CADM2: variants seen among roughly 807,000 people sequenced by gnomAD.
CADM2 encodes immunoglobulin superfamily member 4D.
A neutral mutation model predicts 49.8 loss-of-function variants in CADM2; 12 were observed. That is an observed-to-expected ratio of 0.24 (90% CI 0.15 to 0.39). The LOEUF is 0.39. Ranked by LOEUF, CADM2 falls within the 10% of genes least tolerant of loss-of-function variation. The probability of loss-of-function intolerance (pLI) is 1.00; values close to 1 mark genes in which losing one functional copy is unlikely to be tolerated. For synonymous variants in CADM2, 214 were observed against 175.4 expected (o/e 1.22, Z -1.74); for missense variants, 378 against 492.3 (o/e 0.77, Z 2.20).
At chr3:85,291,439 C>G (rs377348616) in intron 1 of CADM2, among the ~76,000 whole-genome samples, 1 of 149,552 alleles carries the variant, frequency 6.7e-6, no homozygotes, top group Non-Finnish European at 1.5e-5. Flanking sequence ...TACAGAGAAC[C>G]CCACAAAGAT....
rs1225250463 is a variant in CADM2, at chr3:84,959,500, C to G, written c.-108C>G. ...ACCGCAGCGGTGGGGACGGTGGGTC[C>G]GGCGGGCGCCGGGAGGAGGACACCA... On this transcript the variant is annotated 5_prime_UTR_variant, in exon 1 of 10. Transcript: ENST00000383699. 8.2e-6 allele frequency: 9 copies of G among 1,103,568 alleles called. No homozygotes were observed. The highest frequency in any genetic ancestry group is 1.2e-5 in the Non-Finnish European group (9 of 768,216). The allele number at this position is 1,103,568 out of a possible 1,614,324, so 68.4% of individuals were successfully genotyped here.
At chr3:85,834,116 C>A (rs892455315) in intron 3 of CADM2, among the ~76,000 whole-genome samples, 51 of 151,670 alleles carry the variant, frequency 3.4e-4, no homozygotes, top group Middle Eastern at 3.4e-3. Context: ...AAATAAAGTT[C>A]TTCTTATGAT....
intron 1 of CADM2, among the ~76,000 whole-genome samples, chr3:85,647,151 C>G (rs2064911940): frequency 6.6e-6 from 1 of 151,682 alleles, no homozygotes; most frequent in Admixed American, 6.6e-5. Flanking sequence ...AAACACTGCC[C>G]TTTACCAAGT....
chr3:85,394,936 T>C (rs1010068066), intron 1 of CADM2, among the ~76,000 whole-genome samples: 1 of 152,188 alleles, frequency 6.6e-6, no homozygotes, highest in Non-Finnish European at 1.5e-5. Flanking sequence ...TTTATTGATC[T>C]TCACAAAACT....
chr3:85,273,407 A>G (rs1235994776), intron 1 of CADM2, among the ~76,000 whole-genome samples: 1 of 151,322 alleles, frequency 6.6e-6, no homozygotes, highest in Non-Finnish European at 1.5e-5. Context: ...AAAAAGACTT[A>G]GAGGAATTGT....
At chr3:85,206,508 C>T (rs867052064) in intron 1 of CADM2, among the ~76,000 whole-genome samples, 5 of 151,868 alleles carry the variant, frequency 3.3e-5, no homozygotes, top group Admixed American at 6.6e-5. Flanking sequence ...GGGGTTTCAC[C>T]GTGTTAGCCA....
intron 2 of CADM2, among the ~76,000 whole-genome samples, chr3:85,794,856 C>A (rs2071530534): frequency 6.6e-6 from 1 of 152,054 alleles, no homozygotes; most frequent in African/African-American, 2.4e-5. Context: ...ACCCATCCTT[C>A]AGATGTTGAT....
chr3:85,821,565 T>C (rs1462514326), intron 3 of CADM2, among the ~76,000 whole-genome samples: 1 of 152,162 alleles, frequency 6.6e-6, no homozygotes, highest in African/African-American at 2.4e-5. Context: ...TTTGTTTTTG[T>C]TGCATACACA....
intron 1 of CADM2, among the ~76,000 whole-genome samples, chr3:85,606,561 A>G (rs2063544426): frequency 6.6e-6 from 1 of 152,150 alleles, no homozygotes. Context: ...CTACACTCCT[A>G]GAAGCAGGTT....
chr3:85,630,977 T>C (rs1225167100), intron 1 of CADM2, among the ~76,000 whole-genome samples: 2 of 152,018 alleles, frequency 1.3e-5, no homozygotes, highest in Non-Finnish European at 2.9e-5. Context: ...GCACTTTCTA[T>C]TTCTCTGGCT....
intron 1 of CADM2, among the ~76,000 whole-genome samples, chr3:84,961,031 G>A (rs900828566): frequency 1.3e-5 from 2 of 152,032 alleles, no homozygotes; most frequent in Non-Finnish European, 2.9e-5. Flanking sequence ...TTCTTTGCCT[G>A]CCTCTAATCC....
intron 7 of CADM2, among the ~76,000 whole-genome samples, chr3:85,956,804 G>C (rs1559765515): frequency 6.6e-6 from 1 of 151,496 alleles, no homozygotes; most frequent in East Asian, 2.0e-4. Context: ...TTTAAGATGA[G>C]ACAAAAAAGC....
At position 85,603,633 on chromosome 3, in the gene CADM2, C is replaced by T. The variant is rs190780314; in HGVS notation, c.62-122889C>T. Among the ~76,000 whole-genome samples the T allele has an allele frequency of 8.6e-5, 13 of 151,982 alleles. No homozygotes were observed. In the East Asian group the frequency reaches 1.4e-3, roughly 16 times the overall value. ...ACTGGCTCAGCACCTGTCTCCCAGG[C>T]AGATCAATTTTAGTTTTATTAGTAC... is the stretch of plus-strand genomic sequence containing the variant. On this transcript the variant is annotated intron_variant, in intron 1 of 9. Transcript: ENST00000383699.
chr3:85,021,419 A>C (rs550666300), intron 1 of CADM2, among the ~76,000 whole-genome samples: 35 of 152,184 alleles, frequency 2.3e-4, no homozygotes, highest in African/African-American at 7.9e-4. Context: ...TTATCTAACA[A>C]GCCTGGCTTA....
rs375111612 is a variant in CADM2 at position 85,235,283 on chromosome 3, C to A, written c.61+275615C>A. ...CTATATTGCCTTTGATACTGCCTAA[C>A]CTTATTGAAGTTTGAGTAACATTTG... On this transcript the variant is annotated intron_variant, in intron 1 of 9. Coordinates refer to ENST00000383699, the MANE Select transcript of CADM2 (RefSeq NM_001167675.2). 2.1e-4 allele frequency among the ~76,000 whole-genome samples: 32 copies of A among 152,194 alleles called. 1 individual carries two copies. The highest frequency in any genetic ancestry group is 5.3e-4 in the African/African-American group (22 of 41,544).
chr3:85,062,428 A>G (rs966231017), intron 1 of CADM2, among the ~76,000 whole-genome samples: 2 of 152,088 alleles, frequency 1.3e-5, no homozygotes, highest in Admixed American at 1.3e-4. Flanking sequence ...GATCTTTAAA[A>G]TTATTTTTGC....
intron 8 of CADM2, among the ~76,000 whole-genome samples, chr3:86,053,901 T>TA (rs1367661038): frequency 6.6e-6 from 1 of 152,090 alleles, no homozygotes; most frequent in African/African-American, 2.4e-5. Flanking sequence ...AGTATTGTAC[T>TA]AAAACTTTTG....
At chr3:85,699,273 A>T (rs2066670807) in intron 1 of CADM2, among the ~76,000 whole-genome samples, 2 of 152,068 alleles carry the variant, frequency 1.3e-5, no homozygotes, top group Admixed American at 1.3e-4. Context: ...CTTTCCAGGT[A>T]CAGGGCTTAC....
intron 5 of CADM2, among the ~76,000 whole-genome samples, chr3:85,897,415 G>A (rs1382274063): frequency 6.0e-5 from 9 of 149,292 alleles, no homozygotes; most frequent in Non-Finnish European, 1.2e-4. Context: ...GACTACAGGC[G>A]CCCGCCACCG....
Sources: allele counts gnomAD v4.1 joint callset (sites outside exome capture counted in the v4.1 genomes callset), GRCh38; gene constraint gnomAD v4.1.1; transcripts MANE v1.5; gene names NCBI Gene and HGNC (gene_info 2026-07-23, HGNC 2026-07-21).